Variants in AP4E1 observed in about 807,000 individuals in gnomAD.
AP4E1 encodes AP-4 complex subunit epsilon-1.
Under a neutral mutation model 128.2 loss-of-function variants are expected in AP4E1, and 56 were observed. That is an observed-to-expected ratio of 0.44 (90% CI 0.35 to 0.55). The LOEUF (loss-of-function observed/expected upper bound fraction) is 0.55, where lower values mean the gene tolerates loss of function less well. Ranked by LOEUF, AP4E1 falls within the 20% of genes least tolerant of loss-of-function variation. The pLI is 0.00. For synonymous variants in AP4E1, 484 were observed against 473.1 expected, an observed-to-expected ratio of 1.02 and a Z score of -0.30; for missense variants, 1,324 against 1,307.7, an observed-to-expected ratio of 1.01 and a Z score of -0.19.
At chr15:50,997,919 G>A (rs1184517383) in intron 18 of AP4E1, 36 bp downstream of exon 18, 2 of 1,510,530 alleles carry the variant, frequency 1.3e-6, no homozygotes, top group Non-Finnish European at 1.8e-6. Context: ...TATTTTCAGT[G>A]TATATTTTGT....
At chr15:50,951,943 T>A (rs1386321266) in intron 13 of AP4E1, among the ~76,000 whole-genome samples, 2 of 152,006 alleles carry the variant, frequency 1.3e-5, no homozygotes, top group Admixed American at 1.3e-4. Flanking sequence ...GCCAGGCTGG[T>A]CTCGAACTCT....
Position 51,001,071 on chromosome 15 carries a change from C to G in AP4E1, c.3141C>G (p.Ser1047=). 6.2e-7 allele frequency: 1 copy of G among 1,613,438 alleles called. No homozygotes were observed. ...SSDDFGKLWL[S]FANDVKQNVK... ...ACGACTTTGGGAAACTCTGGTTATC[C>G]TTCGCAAATGATGTGAAACAAAATG... The change falls in exon 20 of 21, where the codon TCC becomes TCG. Residue 1047 remains serine, a synonymous_variant. Transcript: ENST00000261842.
intron 15 of AP4E1, among the ~76,000 whole-genome samples, chr15:50,981,576 T>G (rs1164607943): frequency 9.2e-5 from 14 of 152,216 alleles, no homozygotes; most frequent in Admixed American, 6.5e-4. Flanking sequence ...TTGAGACTTG[T>G]AATGGAATGA....
Position 50,942,074 on chromosome 15 carries a change from G to A in AP4E1, c.1176+299G>A, listed in dbSNP as rs1596472859. Among the ~76,000 whole-genome samples, 4 of 151,976 alleles carry A rather than the reference G, an allele frequency of 2.6e-5. No individual in the cohort carries two copies. The South Asian group carries it at 8.3e-4, about 32-fold the overall frequency. Reference sequence around the variant, plus strand: ...TGGGATTATAGGTGTGTGCCACCACGCGTGGCTAATTTTTGTGTTTTTAGT... The same window carrying A: ...TGGGATTATAGGTGTGTGCCACCACACGTGGCTAATTTTTGTGTTTTTAGT... On this transcript the variant is annotated intron_variant, in intron 10 of 20. Coordinates refer to ENST00000261842, the MANE Select transcript of AP4E1 (RefSeq NM_007347.5).
At chr15:50,977,890 A>C (rs975583706) in intron 15 of AP4E1, among the ~76,000 whole-genome samples, 18 of 151,768 alleles carry the variant, frequency 1.2e-4, no homozygotes, top group African/African-American at 4.4e-4. Flanking sequence ...TTGTATTTTT[A>C]GTAGCGATGA....
intron 15 of AP4E1, among the ~76,000 whole-genome samples, chr15:50,979,121 A>G (rs2064602152): frequency 6.6e-6 from 1 of 152,086 alleles, no homozygotes. Flanking sequence ...TAATGTGCAT[A>G]GAAAACATTT....
chr15:50,909,617 G>A (rs1373475219), intron 1 of AP4E1, among the ~76,000 whole-genome samples: 1 of 152,220 alleles, frequency 6.6e-6, no homozygotes, highest in Non-Finnish European at 1.5e-5. Context: ...GTCTCTCTCT[G>A]TCGCCCAGGC....
At chr15:50,986,521 C>T (rs1054326837) in intron 16 of AP4E1, among the ~76,000 whole-genome samples, 11 of 152,070 alleles carry the variant, frequency 7.2e-5, no homozygotes, top group East Asian at 3.9e-4. Flanking sequence ...GCATGAAGCG[C>T]TGTTGAATTT....
chr15:50,983,891 C>A (rs1481152869), intron 15 of AP4E1, 131 bp from the exon 16 acceptor site: 4 of 819,072 alleles, frequency 4.9e-6, no homozygotes, highest in Non-Finnish European at 7.7e-6. Context: ...ATTAGATCAT[C>A]CTCAAAGTCC....
intron 14 of AP4E1, among the ~76,000 whole-genome samples, chr15:50,963,586 T>C (rs957256301): frequency 1.3e-5 from 2 of 152,092 alleles, no homozygotes; most frequent in African/African-American, 4.8e-5. Flanking sequence ...GGAAGAAGAA[T>C]TGTTGGTTAA....
chr15:50,975,279 C>T (rs191049934), intron 15 of AP4E1, among the ~76,000 whole-genome samples: 45 of 152,296 alleles, frequency 3.0e-4, no homozygotes, highest in Admixed American at 2.9e-3. Flanking sequence ...GTGGTGCATG[C>T]TTGTAATGCC....
Position 50,984,058 on chromosome 15 carries a change from C to A in AP4E1, c.2003C>A (p.Ser668Ter). The change falls in exon 16 of 21, where the codon TCA becomes TAA. Residue 668 changes from serine to a stop codon, truncating the protein, a stop_gained. Transcript: ENST00000261842. LOFTEE classifies it high-confidence loss of function. ...GAACCATATGGACTCTCCTTTTCTT[C>A]ATCTGGCTTCACTGGACGACAGTCT... ...NFEPYGLSFSSSGFTGRQSPA... is the reference protein window; with the variant it reads ...NFEPYGLSFS 6.2e-7 allele frequency: 1 copy of A among 1,613,234 alleles called. No homozygotes were observed. Among genetic ancestry groups the A allele is most frequent in the Non-Finnish European group, 8.5e-7 (1 of 1,179,370 alleles).
Position 51,002,787 on chromosome 15 carries a change from A to G in AP4E1, c.*125A>G, listed in dbSNP as rs2064980769. On this transcript the variant is annotated 3_prime_UTR_variant, in exon 21 of 21. Coordinates refer to ENST00000261842, the MANE Select transcript of AP4E1 (RefSeq NM_007347.5). ...GGGGATTATTACAAGTGTGGTTTAT[A>G]TGTTTTCTTTGTGATTCCTGGTCAA... 5 of 1,257,930 alleles carry G rather than the reference A, an allele frequency of 4.0e-6. No homozygotes were observed. Among genetic ancestry groups the G allele is most frequent in the Non-Finnish European group, 5.6e-6 (5 of 893,146 alleles). 77.9% of individuals were successfully genotyped at this position (1,257,930 alleles called of 1,614,324 possible).
intron 8 of AP4E1, among the ~76,000 whole-genome samples, 179 bp downstream of exon 8, chr15:50,934,876 G>A (rs1419156794): frequency 6.6e-6 from 1 of 151,908 alleles, no homozygotes; most frequent in African/African-American, 2.4e-5. Context: ...AGAGTAATTT[G>A]AACTCATGGC....
intron 16 of AP4E1, among the ~76,000 whole-genome samples, chr15:50,991,069 A>T (rs1439879108): frequency 6.6e-6 from 1 of 152,148 alleles, no homozygotes; most frequent in Non-Finnish European, 1.5e-5. Context: ...ACCGAGATGG[A>T]TGGCAAGGAC....
chr15:50,937,185 A>G (rs1025810431), intron 8 of AP4E1, among the ~76,000 whole-genome samples: 2 of 152,184 alleles, frequency 1.3e-5, no homozygotes, highest in African/African-American at 4.8e-5. Flanking sequence ...TAAGAATGTT[A>G]ATTTTAATTG....
In AP4E1 at chr15:50,958,568, T is replaced by C. The variant is rs771132066; in HGVS notation, c.1625T>C (p.Met542Thr). Residue 542 changes from methionine (M) to threonine (T), a missense_variant, in exon 14 of 21, where the codon ATG becomes ACG. Met to Thr is a moderately conservative substitution (Grantham distance 81). Transcript: ENST00000261842. ...ATAGCTAAGCTCTACAAGTTACTTA[T>C]GAATGACTCTGTGTCTTCAGAAACA... ...EVIAKLYKLL[M>T]NDSVSSETKA... 17 of 1,614,124 alleles carry C rather than the reference T, an allele frequency of 1.1e-5. No homozygotes were observed. In the East Asian group the frequency reaches 2.5e-4, roughly 23 times the overall value.
intron 8 of AP4E1, among the ~76,000 whole-genome samples, chr15:50,936,294 A>T (rs930776927): frequency 6.6e-6 from 1 of 152,126 alleles, no homozygotes; most frequent in Admixed American, 6.5e-5. Context: ...CGATGTAACC[A>T]GTGTCCAGGA....
rs374123339 is a variant in AP4E1, at chr15:50,958,751, T to C, written c.1808T>C (p.Met603Thr). The part of the protein sequence containing the change: ...LKHLHENVEL[M>T]KSLLPVDRSC... Reference sequence around the variant, plus strand: ...CATTTGCATGAGAATGTGGAACTTATGAAGAGCTTGCTTCCAGTTGACAGG... The same window carrying C: ...CATTTGCATGAGAATGTGGAACTTACGAAGAGCTTGCTTCCAGTTGACAGG... Residue 603 changes from methionine to threonine, a missense_variant, in exon 14 of 21, where the codon ATG (methionine) becomes ACG (threonine). Met to Thr is a moderately conservative substitution (Grantham distance 81). Coordinates refer to ENST00000261842, the MANE Select transcript of AP4E1 (RefSeq NM_007347.5). 22 of 1,614,062 alleles carry C rather than the reference T, an allele frequency of 1.4e-5. No homozygotes were observed. The highest frequency in any genetic ancestry group is 1.8e-5 in the Non-Finnish European group (21 of 1,180,014).
Sources: gnomAD v4.1 joint callset for allele counts (sites outside exome capture counted in the v4.1 genomes callset) on GRCh38, gnomAD v4.1.1 for gene constraint, MANE v1.5 for transcripts, NCBI Gene and HGNC (gene_info 2026-07-23, HGNC 2026-07-21) for gene names.